The following PKHD1 variants were observed in gnomAD, a reference collection of about 807,000 sequenced individuals.
PKHD1 encodes fibrocystin.
In PKHD1, 291 loss-of-function variants were observed where a neutral mutation model predicts 412.0. The observed-to-expected ratio is 0.71, with a 90% CI of 0.64 to 0.78. PKHD1 has a LOEUF of 0.78. Among genes scored for constraint, PKHD1 ranks in the 30% least tolerant of loss-of-function variants. The pLI is 0.00. For synonymous variants in PKHD1, 1,777 were observed against 1,821.5 expected, an observed-to-expected ratio of 0.98 and a Z score of 0.62; for missense variants, 4,825 against 4,950.7, an observed-to-expected ratio of 0.97 and a Z score of 0.76.
intron 43 of PKHD1, among the ~76,000 whole-genome samples, chr6:51,898,155 C>A (rs994314550): frequency 1.3e-5 from 2 of 152,126 alleles, no homozygotes; most frequent in African/African-American, 4.8e-5. Context: ...AGCTCTGCAC[C>A]AAGCGAACCT....
chr6:51,740,372 A>G (rs984590726), intron 60 of PKHD1, among the ~76,000 whole-genome samples: 1 of 152,212 alleles, frequency 6.6e-6, no homozygotes, highest in African/African-American at 2.4e-5. Flanking sequence ...GTACGAACTT[A>G]TATGTGCAAA....
intron 49 of PKHD1, among the ~76,000 whole-genome samples, chr6:51,854,717 G>C (rs182627207): frequency 1.3e-5 from 2 of 152,382 alleles, no homozygotes; most frequent in African/African-American, 2.4e-5. Flanking sequence ...GCTGCAGACA[G>C]CCACAGCTGG....
Position 51,727,159 on chromosome 6 carries a change from C to A in PKHD1, c.10156+17226G>T, listed in dbSNP as rs140477762. ...CAGCAACCATAACTGAGCAGCTTAG[C>A]AGCTGAGCCTCAAACTGCATTTTAA... is the stretch of plus-strand genomic sequence containing the variant. On this transcript the variant is annotated intron_variant, in intron 60 of 66. Coordinates refer to ENST00000371117, the MANE Select transcript of PKHD1 (RefSeq NM_138694.4). Among the ~76,000 whole-genome samples, 344 of 152,292 alleles carry A rather than the reference C, an allele frequency of 2.3e-3. 4 individuals carry two copies. The highest frequency in any genetic ancestry group is 7.8e-3 in the African/African-American group (324 of 41,554).
At chr6:52,077,174 A>G (rs538528834) in intron 5 of PKHD1, among the ~76,000 whole-genome samples, 72 of 152,276 alleles carry the variant, frequency 4.7e-4, no homozygotes, top group Non-Finnish European at 9.1e-4. Flanking sequence ...GAGTCACCCA[A>G]TCTGGGATGA....
intron 37 of PKHD1, among the ~76,000 whole-genome samples, chr6:51,913,295 C>A (rs996163846): frequency 1.3e-5 from 2 of 152,070 alleles, no homozygotes; most frequent in Non-Finnish European, 2.9e-5. Context: ...AAAAACTAGA[C>A]CTATCTAACA....
In PKHD1 at chr6:51,715,448, C is replaced by T. The variant is rs192137624; in HGVS notation, c.10156+28937G>A. Among the ~76,000 whole-genome samples the T allele has an allele frequency of 1.5e-3, 221 of 152,230 alleles. 2 individuals carry two copies. The highest frequency in any genetic ancestry group is 5.6e-4 in the Non-Finnish European group (38 of 68,012). On this transcript the variant is annotated intron_variant, in intron 60 of 66. Transcript: ENST00000371117. Reference sequence around the variant, plus strand: ...GCCACCGCAATTTTGATTTATCACTCATGTATATTCTTCCAGATACCTAGT... The same window carrying T: ...GCCACCGCAATTTTGATTTATCACTTATGTATATTCTTCCAGATACCTAGT...
chr6:52,004,343 AAT>A (rs1385579301), intron 35 of PKHD1, among the ~76,000 whole-genome samples: 1 of 152,110 alleles, frequency 6.6e-6, no homozygotes, highest in Non-Finnish European at 1.5e-5. Context: ...TAATTTTTGA[AAT>A]AGTTTTCATT....
At chr6:52,014,159 C>T (rs1227702015) in intron 34 of PKHD1, among the ~76,000 whole-genome samples, 1 of 152,182 alleles carries the variant, frequency 6.6e-6, no homozygotes, top group African/African-American at 2.4e-5. Context: ...CAGTCTACTC[C>T]CACCCTCCTA....
intron 2 of PKHD1, 91 bp downstream of exon 2, chr6:52,084,791 A>G (rs1812519254): frequency 1.1e-6 from 1 of 890,796 alleles, no homozygotes; most frequent in Non-Finnish European, 1.9e-6. Flanking sequence ...TATGGTATAC[A>G]ACCAAAATAT....
rs1186246508 is a variant in PKHD1, at chr6:51,912,480, C to T, written c.6218G>A (p.Gly2073Glu). 1 of 1,612,160 alleles carries T rather than the reference C, an allele frequency of 6.2e-7. No homozygotes were observed. Among genetic ancestry groups the T allele is most frequent in the African/African-American group, 1.3e-5 (1 of 74,810 alleles). The change falls in exon 38 of 67, where the codon GGG becomes GAG. Residue 2073 changes from glycine to glutamate, a missense_variant. By Grantham distance (98) the Gly-to-Glu change is moderately conservative (BLOSUM62 -2). Coordinates refer to ENST00000371117, the MANE Select transcript of PKHD1 (RefSeq NM_138694.4). ...ALEDAVDWNPGDEVVIISGTG... is the reference protein window; with the variant it reads ...ALEDAVDWNPEDEVVIISGTG... ...TCCACTGATGATGACAACTTCATCC[C>T]CAGGGTTCCAGTCCACAGCATCTTC...
Position 52,033,636 on chromosome 6 carries a change from A to AAT in PKHD1, c.3229-473_3229-472dup, listed in dbSNP as rs886591214. Among the ~76,000 whole-genome samples the AAT allele has an allele frequency of 3.5e-4, 53 of 150,670 alleles. 1 individual carries two copies. Among genetic ancestry groups the AAT allele is most frequent in the South Asian group, 1.7e-3 (8 of 4,804 alleles). ...ATCTCATAAAATAAATAATAATTTAAATATATATATATATCTGAAACCCAA... is the reference window on the plus strand; with the variant it reads ...ATCTCATAAAATAAATAATAATTTAAATATATATATATATATCTGAAACCCAA... On this transcript the variant is annotated intron_variant, in intron 28 of 66. Transcript: ENST00000371117.
intron 37 of PKHD1, 46 bp from the exon 38 acceptor site, chr6:51,912,622 T>A: frequency 8.2e-7 from 1 of 1,222,918 alleles, no homozygotes; most frequent in Admixed American, 1.7e-5. Context: ...TAATCATTAA[T>A]CAAAACGTGA....
chr6:51,832,050 T>G (rs1247002925), intron 51 of PKHD1, among the ~76,000 whole-genome samples: 1 of 152,038 alleles, frequency 6.6e-6, no homozygotes, highest in Non-Finnish European at 1.5e-5. Flanking sequence ...TTTTACAACA[T>G]AAATAGTGAG....
At chr6:51,775,988 C>T (rs991626486) in intron 53 of PKHD1, 67 bp from the exon 54 acceptor site, 25 of 807,614 alleles carry the variant, frequency 3.1e-5, no homozygotes, top group African/African-American at 2.4e-4. Flanking sequence ...GGAGAAATTG[C>T]AGTATAATTT....
chr6:51,894,404 C>T (rs868796315), intron 43 of PKHD1, among the ~76,000 whole-genome samples: 1 of 152,184 alleles, frequency 6.6e-6, no homozygotes, highest in Non-Finnish European at 1.5e-5. Flanking sequence ...ACCTCAGCTG[C>T]AGGCTGGGCA....
At chr6:51,706,566 G>A (rs1265918460) in intron 60 of PKHD1, among the ~76,000 whole-genome samples, 1 of 151,692 alleles carries the variant, frequency 6.6e-6, no homozygotes, top group Non-Finnish European at 1.5e-5. Flanking sequence ...AGGAACAAGT[G>A]GAAGAGGGGT....
intron 49 of PKHD1, among the ~76,000 whole-genome samples, chr6:51,849,611 A>T (rs1771834699): frequency 6.6e-6 from 1 of 152,146 alleles, no homozygotes; most frequent in South Asian, 2.1e-4. Flanking sequence ...ATGGTATCTC[A>T]TAGCGGTTTT....
intron 52 of PKHD1, among the ~76,000 whole-genome samples, chr6:51,823,353 C>T (rs975005365): frequency 1.3e-5 from 2 of 152,104 alleles, no homozygotes; most frequent in African/African-American, 4.8e-5. Flanking sequence ...ATCCTGGGGA[C>T]GTGTGCCCCT....
chr6:52,073,556 A>T lies in PKHD1; in HGVS notation c.449-15T>A. 1 of 1,467,612 alleles carries T rather than the reference A, an allele frequency of 6.8e-7. No individual in the cohort carries two copies. The highest frequency in any genetic ancestry group is 2.3e-5 in the East Asian group (1 of 44,192). The allele number at this position is 1,467,612 out of a possible 1,614,324, so 90.9% of individuals were successfully genotyped here. ...TATTAGTTTTCCTGTTTGAAGAAGA[A>T]TTTTTTTAATTTAATGGACTTAGCT... On this transcript the variant is annotated splice_polypyrimidine_tract_variant and intron_variant, in intron 6 of 66. Coordinates refer to ENST00000371117, the MANE Select transcript of PKHD1 (RefSeq NM_138694.4).
Sources: allele counts gnomAD v4.1 joint callset (sites outside exome capture counted in the v4.1 genomes callset), GRCh38; gene constraint gnomAD v4.1.1; transcripts MANE v1.5; gene names NCBI Gene and HGNC (gene_info 2026-07-23, HGNC 2026-07-21).